LMO3: variants seen among roughly 807,000 people sequenced by gnomAD.
The protein encoded by LMO3 is LIM domain only 3.
A neutral mutation model predicts 15.8 loss-of-function variants in LMO3; 2 were observed. The observed-to-expected ratio is 0.13, with a 90% CI of 0.05 to 0.40. The LOEUF (loss-of-function observed/expected upper bound fraction) is 0.40. LMO3 is among the 10% of genes least tolerant of loss of function. The pLI is 0.99. For missense variants in LMO3, 86 were observed against 182.2 expected (o/e 0.47, Z 3.04); for synonymous variants, 62 against 63.8 (o/e 0.97, Z 0.13).
chr12:16,562,554 A>T (rs1308556828), intron 2 of LMO3, among the ~76,000 whole-genome samples: 8 of 152,236 alleles, frequency 5.3e-5, no homozygotes, highest in Non-Finnish European at 1.5e-5. Context: ...ACCATTGATC[A>T]TCAGCCTATT....
intron 3 of LMO3, among the ~76,000 whole-genome samples, chr12:16,557,785 G>A (rs768447630): frequency 2.0e-5 from 3 of 151,948 alleles, no homozygotes; most frequent in African/African-American, 4.8e-5. Flanking sequence ...TATTTTGTAG[G>A]TGTGGGAATC....
rs74553776 is a variant in LMO3, at chr12:16,578,429, G to C, written c.207-17891C>G. On this transcript the variant is annotated intron_variant, in intron 2 of 3. Transcript: ENST00000537304. Reference sequence around the variant, plus strand: ...AGAAGGGATGGAGGAACAGGGAAGAGAAGAAGCAGTTGTGCTCTCTTTGGA... The same window carrying C: ...AGAAGGGATGGAGGAACAGGGAAGACAAGAAGCAGTTGTGCTCTCTTTGGA... Among the ~76,000 whole-genome samples the C allele has an allele frequency of 6.7e-3, 1,023 of 152,296 alleles. 13 individuals carry two copies. Among genetic ancestry groups the C allele is most frequent in the African/African-American group, 0.024 (989 of 41,546 alleles).
rs1055622388 is a variant in LMO3 at position 16,604,576 on chromosome 12, T to G, written c.-9+1490A>C. ...TCACATGCAAAATAAAAAAAAAAAA[T>G]AAGAAACATACATACACTCTAACAA... On this transcript the variant is annotated intron_variant, in intron 1 of 3. Transcript: ENST00000537304. This position sits in a 1 kb window ranked among gnomAD's most constrained non-coding sequence, Gnocchi z 5.3. 9.8e-5 allele frequency: 33 copies of G among 336,480 alleles called. No homozygotes were observed. Among genetic ancestry groups the G allele is most frequent in the Middle Eastern group, 8.2e-4 (1 of 1,226 alleles). 20.8% of individuals were successfully genotyped at this position (336,480 alleles called of 1,614,324 possible).
chr12:16,553,001 G>C (rs1334071967), intron 3 of LMO3, among the ~76,000 whole-genome samples: 2 of 152,096 alleles, frequency 1.3e-5, no homozygotes, highest in Non-Finnish European at 2.9e-5. Flanking sequence ...TGTGACATCA[G>C]TCGACTTTGT....
At chr12:16,551,777 T>G (rs1194031672) in intron 3 of LMO3, among the ~76,000 whole-genome samples, 4 of 152,044 alleles carry the variant, frequency 2.6e-5, no homozygotes, top group Non-Finnish European at 4.4e-5. Context: ...ATCAAACAAT[T>G]AGAAAATAGC....
At chr12:16,600,001 A>G (rs1355941663) in intron 2 of LMO3, 1 of 152,152 alleles carries the variant, frequency 6.6e-6, no homozygotes, top group Admixed American at 6.6e-5. Context: ...AGGTGGGGCG[A>G]GAGGAAGATG....
rs926469841 is a variant in LMO3 at position 16,560,797 on chromosome 12, T to C, written c.207-259A>G. On this transcript the variant is annotated intron_variant, in intron 2 of 3. Transcript: ENST00000537304. This position sits in a 1 kb window ranked among gnomAD's most constrained non-coding sequence, Gnocchi z 5.0. ...ATTAGGAAGCTTACGTAACTGCACATAAACAGAAGTCAATGGGGGTGAATT... is the reference window on the plus strand; with the variant it reads ...ATTAGGAAGCTTACGTAACTGCACACAAACAGAAGTCAATGGGGGTGAATT... 2.0e-6 allele frequency: 1 copy of C among 493,156 alleles called. No individual in the cohort carries two copies. The highest frequency in any genetic ancestry group is 3.8e-6 in the Non-Finnish European group (1 of 264,118). The allele number at this position is 493,156 out of a possible 1,614,324, so 30.5% of individuals were successfully genotyped here.
At chr12:16,592,481 A>G (rs532069769) in intron 2 of LMO3, among the ~76,000 whole-genome samples, 108 of 152,130 alleles carry the variant, frequency 7.1e-4, no homozygotes, top group South Asian at 2.1e-3. Context: ...CATTCACAGT[A>G]TAAGTGAGCA....
Position 16,565,983 on chromosome 12 carries a change from C to CATATATATATAT in LMO3, c.207-5457_207-5446dup, listed in dbSNP as rs61358392. On this transcript the variant is annotated intron_variant, in intron 2 of 3. Coordinates refer to ENST00000537304, the MANE Select transcript of LMO3 (RefSeq NM_018640.5). ...GGATGAATGGATGAAGAAAATGTGC[C>CATATATATATAT]ATATATATATATATATATATATATA... Among the ~76,000 whole-genome samples, 3 of 43,850 alleles carry CATATATATATAT rather than the reference C, an allele frequency of 6.8e-5. 1 individual carries two copies. Among genetic ancestry groups the CATATATATATAT allele is most frequent in the Non-Finnish European group, 1.3e-4 (3 of 22,902 alleles). The allele number at this position is 43,850 out of a possible 152,430, so 28.8% of individuals were successfully genotyped here. A position where few individuals can be genotyped will look rare whatever the true frequency, so the allele number is the denominator to read the frequency against.
intron 3 of LMO3, among the ~76,000 whole-genome samples, chr12:16,553,596 TGAAAC>T (rs1381197925): frequency 2.6e-5 from 4 of 152,078 alleles, no homozygotes; most frequent in East Asian, 1.9e-4. Flanking sequence ...AAGGTCAAGA[TGAAAC>T]GAACATGGAT....
At position 16,576,611 on chromosome 12, in the gene LMO3, A is replaced by AT. The variant is rs1943003797; in HGVS notation, c.207-16074dup. The stretch of plus-strand genomic sequence containing the variant: ...TACCTGTTTGTCTCTTTCTCACTAC[A>AT]TAATAAGCTCCCTGAAAACTTGCCT... On this transcript the variant is annotated intron_variant, in intron 2 of 3. Coordinates refer to ENST00000537304, the MANE Select transcript of LMO3 (RefSeq NM_018640.5). This position sits in a 1 kb window ranked among gnomAD's most constrained non-coding sequence, Gnocchi z 4.1. 2.0e-5 allele frequency among the ~76,000 whole-genome samples: 3 copies of AT among 152,300 alleles called. No homozygotes were observed. In the South Asian group the frequency reaches 6.2e-4, roughly 32 times the overall value.
rs1316073836 is a variant in LMO3, at chr12:16,585,699, G to T, written c.206+14956C>A. On this transcript the variant is annotated intron_variant, in intron 2 of 3. Coordinates refer to ENST00000537304, the MANE Select transcript of LMO3 (RefSeq NM_018640.5). The surrounding 1 kb of genome is among the most constrained non-coding windows in gnomAD (Gnocchi z 4.7). Reference sequence around the variant, plus strand: ...ATGTCAAAACTAATCCTCAGGTGATGTAAGCAGCTCCAAATATAATAATAG... The same window carrying T: ...ATGTCAAAACTAATCCTCAGGTGATTTAAGCAGCTCCAAATATAATAATAG... Among the ~76,000 whole-genome samples the T allele has an allele frequency of 6.6e-6, 1 of 152,182 alleles. No homozygotes were observed. The highest frequency in any genetic ancestry group is 1.9e-4 in the East Asian group (1 of 5,192).
chr12:16,569,001 C>T (rs1425014340), intron 2 of LMO3, among the ~76,000 whole-genome samples: 7 of 152,262 alleles, frequency 4.6e-5, no homozygotes, highest in Admixed American at 6.5e-5. Context: ...ATCATTATAG[C>T]TCTCTCATAA....
chr12:16,608,444 T>C (rs1287807422), upstream of LMO3: 1 of 152,180 alleles, frequency 6.6e-6, no homozygotes, highest in African/African-American at 2.4e-5. The surrounding 1 kb of genome is among the most constrained non-coding windows in gnomAD (Gnocchi z 4.1). Flanking sequence ...ATTCAACTAA[T>C]TAAATGATGG....
intron 3 of LMO3, among the ~76,000 whole-genome samples, chr12:16,554,248 T>G (rs1942102078): frequency 6.6e-6 from 1 of 152,218 alleles, no homozygotes; most frequent in Admixed American, 6.5e-5. Flanking sequence ...AAGCCTATGC[T>G]AAGAAGCCTC....
At chr12:16,571,861 A>T (rs552239844) in intron 2 of LMO3, among the ~76,000 whole-genome samples, 2 of 152,206 alleles carry the variant, frequency 1.3e-5, no homozygotes, top group African/African-American at 2.4e-5. Context: ...CTTAAAACTC[A>T]TTGAAAAGGG....
intron 2 of LMO3, among the ~76,000 whole-genome samples, chr12:16,578,560 G>A (rs1423884934): frequency 6.6e-6 from 1 of 152,124 alleles, no homozygotes; most frequent in Non-Finnish European, 1.5e-5. Context: ...GCTCATGCCT[G>A]TAATCCCAGC....
At position 16,560,974 on chromosome 12, in the gene LMO3, CATT is replaced by C. The variant is rs748605633; in HGVS notation, c.207-439_207-437del. 2.0e-5 allele frequency among the ~76,000 whole-genome samples: 3 copies of C among 151,942 alleles called. No individual in the cohort carries two copies. Among genetic ancestry groups the C allele is most frequent in the African/African-American group, 2.4e-5 (1 of 41,356 alleles). ...GACATTTAGTTACTAAAAGGTTTGC[CATT>C]ATTATTAAAAATACATTTATGAAGA... is the stretch of plus-strand genomic sequence containing the variant. On this transcript the variant is annotated intron_variant, in intron 2 of 3. Transcript: ENST00000537304. This position sits in a 1 kb window ranked among gnomAD's most constrained non-coding sequence, Gnocchi z 5.0.
chr12:16,580,753 G>C (rs906209150), intron 2 of LMO3, among the ~76,000 whole-genome samples: 2 of 152,164 alleles, frequency 1.3e-5, no homozygotes, highest in African/African-American at 4.8e-5. Flanking sequence ...GTAGGTTCTG[G>C]TAGAATCATG....
Sources: allele counts gnomAD v4.1 joint callset (sites outside exome capture counted in the v4.1 genomes callset), GRCh38; gene constraint gnomAD v4.1.1; non-coding constraint Gnocchi (gnomAD v3.1); transcripts MANE v1.5; gene names NCBI Gene and HGNC (gene_info 2026-07-23, HGNC 2026-07-21).